Variants in CPED1 observed in about 807,000 individuals in gnomAD.
The protein encoded by CPED1 is cadherin-like and PC-esterase domain-containing protein 1.
Under a neutral mutation model 128.2 loss-of-function variants are expected in CPED1, and 114 were observed. That is an observed-to-expected ratio of 0.89 (90% CI 0.76 to 1.04). CPED1 has a LOEUF of 1.04. CPED1 is among the 50% of genes least tolerant of loss of function. The pLI, the probability that CPED1 is intolerant of heterozygous loss-of-function variation, is 0.00. For synonymous variants in CPED1, 462 were observed against 426.7 expected (o/e 1.08, Z -1.02); for missense variants, 1,211 against 1,207.1 (o/e 1.00, Z -0.05).
chr7:121,172,061 G>A (rs1796659577), intron 16 of CPED1, among the ~76,000 whole-genome samples: 1 of 152,130 alleles, frequency 6.6e-6, no homozygotes, highest in African/African-American at 2.4e-5. Context: ...AAATGGAGCT[G>A]GAAGGCAGGA....
At chr7:121,173,719 A>G (rs1459510239) in intron 16 of CPED1, among the ~76,000 whole-genome samples, 1 of 152,142 alleles carries the variant, frequency 6.6e-6, no homozygotes, top group Admixed American at 6.6e-5. Context: ...TTATGGTAGA[A>G]TGATGTATAT....
In CPED1 at chr7:121,107,055, G is replaced by A. The variant is rs952677089; in HGVS notation, c.918+6961G>A. Among the ~76,000 whole-genome samples the A allele has an allele frequency of 5.9e-5, 9 of 152,060 alleles. 1 individual carries two copies. The highest frequency in any genetic ancestry group is 2.1e-4 in the South Asian group (1 of 4,818). ...CTTTAATAGATGAGCCAGCTAAGCC[G>A]TAGAGATGTTCGAAGACAGAACAGC... On this transcript the variant is annotated intron_variant, in intron 7 of 22. Transcript: ENST00000310396.
intron 16 of CPED1, among the ~76,000 whole-genome samples, chr7:121,146,290 A>G (rs1357718076): frequency 6.6e-6 from 1 of 152,132 alleles, no homozygotes; most frequent in Non-Finnish European, 1.5e-5. Context: ...GGTCTAAAGT[A>G]GTTACCTCCA....
chr7:121,211,899 C>T (rs1440921581), intron 16 of CPED1, among the ~76,000 whole-genome samples: 1 of 151,892 alleles, frequency 6.6e-6, no homozygotes, highest in Non-Finnish European at 1.5e-5. Context: ...AAATAATGAG[C>T]TAAAGTAAAA....
chr7:121,140,924 A>C lies in CPED1; in HGVS notation c.1797A>C (p.Glu599Asp). ...CAAAGATCAAAGATTATTACTGTGA[A>C]GTCCCATTTGATGTGGTAACAGTGA... Reference protein sequence around the residue: ...FHPKIKDYYCEVPFDVVTVTI... With the variant: ...FHPKIKDYYCDVPFDVVTVTI... Residue 599 changes from glutamate to aspartate, a missense_variant, in exon 15 of 23, where the codon GAA becomes GAC. Physicochemically the swap from Glu to Asp is conservative, Grantham distance 45. Coordinates refer to ENST00000310396, the MANE Select transcript of CPED1 (RefSeq NM_024913.5). 6.2e-7 allele frequency: 1 copy of C among 1,612,642 alleles called. No individual in the cohort carries two copies. The highest frequency in any genetic ancestry group is 1.1e-5 in the South Asian group (1 of 91,036).
In CPED1 at chr7:121,124,139, A is replaced by G. The variant is rs560846730; in HGVS notation, c.919-192A>G. ...AGGCATTTCTAAAGAAATTTAAATTACAAGACATTTAAACCTTTCTCTTTC... is the reference window on the plus strand; with the variant it reads ...AGGCATTTCTAAAGAAATTTAAATTGCAAGACATTTAAACCTTTCTCTTTC... On this transcript the variant is annotated intron_variant, in intron 7 of 22. Transcript: ENST00000310396. Among the ~76,000 whole-genome samples the G allele has an allele frequency of 1.3e-5, 2 of 152,322 alleles. 1 individual carries two copies. Among genetic ancestry groups the G allele is most frequent in the South Asian group, 4.1e-4 (2 of 4,826 alleles).
chr7:121,039,021 T>C (rs1792975993), intron 3 of CPED1, among the ~76,000 whole-genome samples: 1 of 152,076 alleles, frequency 6.6e-6, no homozygotes, highest in Admixed American at 6.6e-5. Context: ...TTATTCCCTC[T>C]TTCCATATTG....
chr7:121,172,823 G>A (rs536957543), intron 16 of CPED1, among the ~76,000 whole-genome samples: 15 of 152,200 alleles, frequency 9.9e-5, no homozygotes, highest in South Asian at 6.2e-4. Context: ...GCATATGATC[G>A]ATTGCTCAAT....
chr7:121,013,758 A>G (rs1356221456), intron 2 of CPED1, among the ~76,000 whole-genome samples: 1 of 152,230 alleles, frequency 6.6e-6, no homozygotes, highest in African/African-American at 2.4e-5. Context: ...TCAGCTAGCA[A>G]TAGTTTGTGT....
chr7:121,124,213 G>T, intron 7 of CPED1, 118 bp from the exon 8 acceptor site: 2 of 738,226 alleles, frequency 2.7e-6, no homozygotes, highest in Non-Finnish European at 2.0e-6. Flanking sequence ...GGTGAGGGTG[G>T]GGTTTGGGTG....
At chr7:121,295,317 CAT>C (rs1792801016) in intron 22 of CPED1, 121 bp from the exon 23 acceptor site, 1 of 1,182,824 alleles carries the variant, frequency 8.5e-7, no homozygotes, top group Non-Finnish European at 1.2e-6. Flanking sequence ...TTATGTAAGT[CAT>C]AGTCATGCCC....
chr7:121,256,348 A>G (rs771879631), intron 18 of CPED1, among the ~76,000 whole-genome samples: 1 of 152,104 alleles, frequency 6.6e-6, no homozygotes, highest in Non-Finnish European at 1.5e-5. Context: ...TCTTTATTCA[A>G]TAAATGGTGC....
chr7:121,117,098 T>TATATATATATATATATATATATATAA (rs1226906588), intron 7 of CPED1, among the ~76,000 whole-genome samples: 3 of 134,660 alleles, frequency 2.2e-5, no homozygotes, highest in African/African-American at 8.4e-5. Context: ...TATATATATA[T>TATATATATATATATATATATATATAA]AAATATATAT....
At chr7:121,188,890 T>C (rs1797063114) in intron 16 of CPED1, among the ~76,000 whole-genome samples, 1 of 152,112 alleles carries the variant, frequency 6.6e-6, no homozygotes, top group South Asian at 2.1e-4. Context: ...GGATCTAAGC[T>C]TGGGTGAGGG....
chr7:121,077,157 T>C (rs1308697107), intron 5 of CPED1, among the ~76,000 whole-genome samples: 5 of 152,092 alleles, frequency 3.3e-5, no homozygotes. Flanking sequence ...TTAACAGCAA[T>C]CAGTGGTGGT....
intron 18 of CPED1, among the ~76,000 whole-genome samples, chr7:121,251,142 G>A (rs1430164721): frequency 6.6e-6 from 1 of 152,164 alleles, no homozygotes; most frequent in Admixed American, 6.5e-5. Context: ...TCATCCCTGG[G>A]ATGCAAGGCT....
intron 5 of CPED1, among the ~76,000 whole-genome samples, chr7:121,095,176 A>C (rs769446929): frequency 6.6e-6 from 1 of 152,122 alleles, no homozygotes; most frequent in Non-Finnish European, 1.5e-5. Flanking sequence ...TGTTTGTAGG[A>C]GATTTCTAGG....
chr7:121,153,743 G>T (rs1184057917), intron 16 of CPED1, among the ~76,000 whole-genome samples: 3 of 152,152 alleles, frequency 2.0e-5, no homozygotes, highest in Admixed American at 6.5e-5. Context: ...AAGTACAGTT[G>T]ACCATTGCAT....
rs1562852781 is a variant in CPED1 at position 121,256,135 on chromosome 7, A to AAAAAAAAAC, written c.2311-10086_2311-10085insAACAAAAAA. ...GCAAAAAAAAAAAACAAAACAAAAA[A>AAAAAAAAAC]AAAAAACAAAGCTTATGCCAAAGAC... On this transcript the variant is annotated intron_variant, in intron 18 of 22. Coordinates refer to ENST00000310396, the MANE Select transcript of CPED1 (RefSeq NM_024913.5). Among the ~76,000 whole-genome samples, 4 of 148,974 alleles carry AAAAAAAAAC rather than the reference A, an allele frequency of 2.7e-5. 1 individual carries two copies. Among genetic ancestry groups the AAAAAAAAAC allele is most frequent in the African/African-American group, 1.0e-4 (4 of 40,088 alleles).
Sources: gnomAD v4.1 joint callset for allele counts (sites outside exome capture counted in the v4.1 genomes callset) on GRCh38, gnomAD v4.1.1 for gene constraint, MANE v1.5 for transcripts, NCBI Gene and HGNC (gene_info 2026-07-23, HGNC 2026-07-21) for gene names.